Variants in IKZF3 observed in about 807,000 individuals in gnomAD.
The protein encoded by IKZF3 is zinc finger protein Aiolos.
A neutral mutation model predicts 49.0 loss-of-function variants in IKZF3; 10 were observed. The observed-to-expected ratio is 0.20, with a 90% CI of 0.13 to 0.35. The LOEUF is 0.35. Ranked by LOEUF, IKZF3 falls within the 10% of genes least tolerant of loss-of-function variation. The pLI, the probability that IKZF3 is intolerant of heterozygous loss-of-function variation, is 1.00. For missense variants in IKZF3, 498 were observed against 664.8 expected (o/e 0.75, Z 2.76); for synonymous variants, 209 against 228.2 (o/e 0.92, Z 0.76).
In IKZF3 at chr17:39,864,129, C is replaced by G; in HGVS notation, c.-3G>C. Reference sequence around the variant, plus strand: ...CGGGCTGGAGGCTCACCTTCCATGTCGCTGCCGGGCCGGGCTGGAGCTGCC... The same window carrying G: ...CGGGCTGGAGGCTCACCTTCCATGTGGCTGCCGGGCCGGGCTGGAGCTGCC... On this transcript the variant is annotated 5_prime_UTR_variant, in exon 1 of 8. Coordinates refer to ENST00000346872, the MANE Select transcript of IKZF3 (RefSeq NM_012481.5). 6.2e-7 allele frequency: 1 copy of G among 1,612,528 alleles called. No individual in the cohort carries two copies. The highest frequency in any genetic ancestry group is 8.5e-7 in the Non-Finnish European group (1 of 1,179,438).
At chr17:39,843,804 CT>C (rs36041042) in intron 1 of IKZF3, among the ~76,000 whole-genome samples, 1 of 143,292 alleles carries the variant, frequency 7.0e-6, no homozygotes, top group Non-Finnish European at 1.5e-5. Flanking sequence ...GAGACTCCGT[CT>C]TTTAAAAAAA....
Position 39,765,523 on chromosome 17 carries a change from G to T in IKZF3, c.*267C>A, listed in dbSNP as rs2143555700. On this transcript the variant is annotated 3_prime_UTR_variant, in exon 8 of 8. Transcript: ENST00000346872. ...TCATTCCACTGCTGTAGAAGATAATGACCAAATACCTTTTTGGCTTTTAAA... is the reference window on the plus strand; with the variant it reads ...TCATTCCACTGCTGTAGAAGATAATTACCAAATACCTTTTTGGCTTTTAAA... 2.5e-6 allele frequency: 1 copy of T among 393,792 alleles called. No homozygotes were observed. The highest frequency in any genetic ancestry group is 2.0e-5 in the African/African-American group (1 of 49,816). The allele number at this position is 393,792 out of a possible 1,614,324, so 24.4% of individuals were successfully genotyped here.
At position 39,779,650 on chromosome 17, in the gene IKZF3, T is replaced by G. The variant is rs530929559; in HGVS notation, c.710-1883A>C. On this transcript the variant is annotated intron_variant, in intron 6 of 7. Coordinates refer to ENST00000346872, the MANE Select transcript of IKZF3 (RefSeq NM_012481.5). ...AGTCTCTATGTTATATTCTTTGTTT[T>G]TTGTTTTTTTTTTTTCTGTTCCACG... Among the ~76,000 whole-genome samples the G allele has an allele frequency of 1.6e-3, 234 of 146,350 alleles. 3 individuals carry two copies. The highest frequency in any genetic ancestry group is 1.7e-3 in the Non-Finnish European group (114 of 66,992).
intron 7 of IKZF3, among the ~76,000 whole-genome samples, chr17:39,771,954 C>T (rs1352595057): frequency 1.3e-5 from 2 of 150,544 alleles, no homozygotes; most frequent in Admixed American, 1.3e-4. Flanking sequence ...CACTATGTTG[C>T]TTGGGCCGGT....
chr17:39,841,008 C>T (rs781373589), intron 1 of IKZF3, among the ~76,000 whole-genome samples: 5 of 152,054 alleles, frequency 3.3e-5, no homozygotes, highest in Non-Finnish European at 5.9e-5. Context: ...GAAACCCCAT[C>T]TCTACGAAAA....
At chr17:39,780,974 A>G (rs959040791) in intron 6 of IKZF3, among the ~76,000 whole-genome samples, 12 of 152,244 alleles carry the variant, frequency 7.9e-5, no homozygotes, top group Admixed American at 7.2e-4. Flanking sequence ...GAAGCTATTA[A>G]CAACTATTTG....
chr17:39,802,640 G>T (rs1333581862), intron 3 of IKZF3, among the ~76,000 whole-genome samples: 5 of 150,628 alleles, frequency 3.3e-5, no homozygotes, highest in African/African-American at 9.8e-5. Context: ...TTAAAGTCAT[G>T]AGAAAATAGC....
At chr17:39,841,702 C>T (rs1384181669) in intron 1 of IKZF3, among the ~76,000 whole-genome samples, 2 of 151,976 alleles carry the variant, frequency 1.3e-5, no homozygotes, top group Non-Finnish European at 2.9e-5. Flanking sequence ...AGCCTGTGGT[C>T]CTGTATTGGA....
chr17:39,769,866 G>T (rs1807527373), intron 7 of IKZF3, among the ~76,000 whole-genome samples: 1 of 152,190 alleles, frequency 6.6e-6, no homozygotes, highest in Non-Finnish European at 1.5e-5. Flanking sequence ...TATACCACCT[G>T]CAGCATATGT....
chr17:39,850,848 A>T (rs1159745420), intron 1 of IKZF3, among the ~76,000 whole-genome samples: 2 of 129,076 alleles, frequency 1.5e-5, no homozygotes, highest in African/African-American at 3.0e-5. Flanking sequence ...TATATAATAT[A>T]TAATATGCTC....
chr17:39,795,976 A>G (rs2061151946), intron 3 of IKZF3, among the ~76,000 whole-genome samples: 1 of 151,948 alleles, frequency 6.6e-6, no homozygotes, highest in Non-Finnish European at 1.5e-5. Context: ...TGGGAGGTGG[A>G]GGTTGCAGTG....
chr17:39,859,698 T>C (rs2063164175), intron 1 of IKZF3, among the ~76,000 whole-genome samples: 1 of 152,234 alleles, frequency 6.6e-6, no homozygotes, highest in African/African-American at 2.4e-5. Context: ...CTCATCCTTA[T>C]AATTTCTAAT....
intron 1 of IKZF3, chr17:39,835,650 C>A (rs2062253821): frequency 2.3e-6 from 1 of 435,374 alleles, no homozygotes; most frequent in Non-Finnish European, 4.5e-6. Flanking sequence ...GTCCAGGGAG[C>A]AGCTGTTATG....
At chr17:39,799,015 GT>G (rs1321734822) in intron 3 of IKZF3, among the ~76,000 whole-genome samples, 3 of 151,700 alleles carry the variant, frequency 2.0e-5, no homozygotes, top group Non-Finnish European at 4.4e-5. Context: ...GTGTGTGTGT[GT>G]GTGTTTAACT....
intron 1 of IKZF3, among the ~76,000 whole-genome samples, chr17:39,837,779 C>T (rs551354061): frequency 6.6e-6 from 1 of 152,046 alleles, no homozygotes; most frequent in South Asian, 2.1e-4. Context: ...GCTGGGACTA[C>T]AGGCGCCCAC....
intron 1 of IKZF3, among the ~76,000 whole-genome samples, chr17:39,847,075 T>C (rs1326586846): frequency 6.6e-6 from 1 of 152,118 alleles, no homozygotes; most frequent in Admixed American, 6.5e-5. Flanking sequence ...CACTTTTACT[T>C]TATAATTAAA....
In IKZF3 at chr17:39,763,038, G is replaced by A. The variant is rs1450631980; in HGVS notation, c.*2752C>T. ...CCCTTGAAGAACCAACAGGATGTGC[G>A]ATATTTCAAGAACGTAATGAGCAAC... is the stretch of plus-strand genomic sequence containing the variant. On this transcript the variant is annotated 3_prime_UTR_variant, in exon 8 of 8. Transcript: ENST00000346872. 2.6e-5 allele frequency: 4 copies of A among 152,162 alleles called. No individual in the cohort carries two copies. Among genetic ancestry groups the A allele is most frequent in the African/African-American group, 7.2e-5 (3 of 41,422 alleles). The allele number at this position is 152,162 out of a possible 1,614,324, so 9.4% of individuals were successfully genotyped here.
At chr17:39,828,333 G>A (rs183276158) in intron 3 of IKZF3, among the ~76,000 whole-genome samples, 77 of 152,328 alleles carry the variant, frequency 5.1e-4, no homozygotes, top group Non-Finnish European at 8.5e-4. Context: ...ATGTATGGGA[G>A]TTGACTGAGG....
chr17:39,860,645 G>A (rs1388627932), intron 1 of IKZF3, among the ~76,000 whole-genome samples: 3 of 152,230 alleles, frequency 2.0e-5, no homozygotes, highest in South Asian at 2.1e-4. Flanking sequence ...CACTTATGAC[G>A]GGGAGCTAAA....
Sources: gnomAD v4.1 joint callset for allele counts (sites outside exome capture counted in the v4.1 genomes callset) on GRCh38, gnomAD v4.1.1 for gene constraint, MANE v1.5 for transcripts, NCBI Gene and HGNC (gene_info 2026-07-23, HGNC 2026-07-21) for gene names.